The following SMARCAL1 variants were observed in gnomAD, a reference collection of about 807,000 sequenced individuals.
SMARCAL1 encodes ATP-driven annealing helicase.
In SMARCAL1, 58 loss-of-function variants were observed where a neutral mutation model predicts 94.5. The ratio of observed to expected loss-of-function variants is 0.61; its 90% CI spans 0.50 to 0.76. The LOEUF (loss-of-function observed/expected upper bound fraction) is 0.76, where lower values mean the gene tolerates loss of function less well. Among genes scored for constraint, SMARCAL1 ranks in the 30% least tolerant of loss-of-function variants. The probability of loss-of-function intolerance (pLI) is 0.00; values close to 1 mark genes in which losing one functional copy is unlikely to be tolerated. For missense variants in SMARCAL1, 1,051 were observed against 1,177.9 expected, an observed-to-expected ratio of 0.89 and a Z score of 1.58; for synonymous variants, 422 against 455.1, an observed-to-expected ratio of 0.93 and a Z score of 0.93.
chr2:216,412,607 A>G lies in SMARCAL1; in HGVS notation c.-137A>G, dbSNP rs115172989. ...AGGCTCTGCAGTCGCGCCTGGGGTC[A>G]GGGCCGGGGGCGAATGTGGCTCGCG... On this transcript the variant is annotated 5_prime_UTR_variant, in exon 1 of 18. Transcript: ENST00000357276. 3,015 of 152,610 alleles carry G rather than the reference A, an allele frequency of 0.02. 96 individuals are homozygous for G. The highest frequency in any genetic ancestry group is 0.068 in the African/African-American group (2,843 of 41,578). The allele number at this position is 152,610 out of a possible 1,614,324, so 9.5% of individuals were successfully genotyped here.
rs554642972 is a variant in SMARCAL1 at position 216,416,227 on chromosome 2, A to G, written c.812-30A>G. On this transcript the variant is annotated intron_variant, in intron 3 of 17. Coordinates refer to ENST00000357276, the MANE Select transcript of SMARCAL1 (RefSeq NM_014140.4). ...GTTGAGTGCCTAAGTACAAATTGTC[A>G]ACAGTCATCAGTCCTCTGTTTTGTT... 27 of 1,606,916 alleles carry G rather than the reference A, an allele frequency of 1.7e-5. No individual in the cohort carries two copies. The South Asian group carries it at 2.4e-4, about 14-fold the overall frequency.
At chr2:216,464,699 C>A in intron 13 of SMARCAL1, 32 bp downstream of exon 13, 2 of 1,366,274 alleles carry the variant, frequency 1.5e-6, no homozygotes, top group South Asian at 1.2e-5. Context: ...ACCTCTCTCT[C>A]TCTCATCTTC....
At position 216,447,025 on chromosome 2, in the gene SMARCAL1, A is replaced by G. The variant is rs1258287069; in HGVS notation, c.1718A>G (p.Lys573Arg). 1 of 1,613,984 alleles carries G rather than the reference A, an allele frequency of 6.2e-7. No homozygotes were observed. Among genetic ancestry groups the G allele is most frequent in the Non-Finnish European group, 8.5e-7 (1 of 1,180,014 alleles). The change falls in exon 11 of 18, where the codon AAG becomes AGG. Residue 573 changes from lysine (K) to arginine (R), a missense_variant. By Grantham distance (26) the Lys-to-Arg change is conservative (BLOSUM62 2). Transcript: ENST00000357276. ...TGGCTGTTTGTCTTTTAGGTTGCCA[A>G]GAGGGTGATCCTGTTGTCGGGCACA... ...RAAMPVLKVA[K>R]RVILLSGTPA...
Position 216,414,672 on chromosome 2 carries a change from T to C in SMARCAL1, c.-33T>C. 1 of 1,594,762 alleles carries C rather than the reference T, an allele frequency of 6.3e-7. No individual in the cohort carries two copies. The highest frequency in any genetic ancestry group is 8.6e-7 in the Non-Finnish European group (1 of 1,162,500). ...CTTTTGCCAACTTTCCAATTAAAGGTTGACATTCCTGCATAAGCATTTCTC... is the reference window on the plus strand; with the variant it reads ...CTTTTGCCAACTTTCCAATTAAAGGCTGACATTCCTGCATAAGCATTTCTC... On this transcript the variant is annotated 5_prime_UTR_variant, in exon 3 of 18. Transcript: ENST00000357276.
intron 4 of SMARCAL1, among the ~76,000 whole-genome samples, chr2:216,418,843 G>A (rs1178126466): frequency 6.6e-6 from 1 of 152,186 alleles, no homozygotes; most frequent in African/African-American, 2.4e-5. Flanking sequence ...TCTAAGTGAT[G>A]AAAATGTGTC....
rs532441224 is a variant in SMARCAL1 at position 216,428,672 on chromosome 2, G to A, written c.1224G>A (p.Gln408=). Residue 408 remains glutamine (Q), a synonymous_variant, in exon 7 of 18, where the codon CAG becomes CAA. Transcript: ENST00000357276. The part of the protein sequence containing the change: ...PTTLTLAFAS[Q]LKKTSLSLTP... ...CTCTCACCCTGGCGTTTGCTTCTCA[G>A]CTCAAGAAGACATCTCTCAGTCTCA... The A allele has an allele frequency of 6.2e-7, 1 of 1,614,196 alleles. No individual in the cohort carries two copies. Among genetic ancestry groups the A allele is most frequent in the Admixed American group, 1.7e-5 (1 of 60,014 alleles).
chr2:216,475,179 TG>T lies in SMARCAL1; in HGVS notation c.2245-88del. ...CAGGGGCCTCTGCTGAGCTGGAACC[TG>T]GTTCTGTGCTGGAGCTGTGGCTGGG... is the stretch of plus-strand genomic sequence containing the variant. On this transcript the variant is annotated intron_variant, in intron 14 of 17. Coordinates refer to ENST00000357276, the MANE Select transcript of SMARCAL1 (RefSeq NM_014140.4). The surrounding 1 kb of genome is among the most constrained non-coding windows in gnomAD (Gnocchi z 4.4). The T allele has an allele frequency of 7.4e-7, 1 of 1,358,948 alleles. No individual in the cohort carries two copies. 84.2% of individuals were successfully genotyped at this position (1,358,948 alleles called of 1,614,324 possible).
At chr2:216,461,623 A>G (rs1694706844) in intron 12 of SMARCAL1, among the ~76,000 whole-genome samples, 1 of 152,054 alleles carries the variant, frequency 6.6e-6, no homozygotes, top group Non-Finnish European at 1.5e-5. Context: ...AGCCCAGGAG[A>G]TTGATACCAG....
At position 216,432,724 on chromosome 2, in the gene SMARCAL1, CA is replaced by C. The variant is rs1693992978; in HGVS notation, c.1342del (p.Ile448Ter). The C allele has an allele frequency of 6.2e-7, 1 of 1,613,986 alleles. No individual in the cohort carries two copies. Among genetic ancestry groups the C allele is most frequent in the Non-Finnish European group, 8.5e-7 (1 of 1,180,028 alleles). On this transcript the variant is annotated frameshift_variant, in exon 8 of 18. Transcript: ENST00000357276. LOFTEE classifies it high-confidence loss of function. ...TCACCTTGTCTGCCTTCAGTTTTGC[CA>C]TAGCCAAAGGAGGCCGCCTGCTGCT... ...PFQRAGVNFA[I>X]AKGGRLLLAD...
intron 6 of SMARCAL1, 117 bp from the exon 7 acceptor site, chr2:216,428,479 T>C: frequency 2.1e-6 from 2 of 960,104 alleles, no homozygotes; most frequent in East Asian, 2.5e-5. Flanking sequence ...CCACCCATTA[T>C]ATAGGGACCT....
intron 14 of SMARCAL1, among the ~76,000 whole-genome samples, chr2:216,473,306 G>T (rs1215597600): frequency 6.7e-6 from 1 of 148,992 alleles, no homozygotes; most frequent in Admixed American, 6.7e-5. Context: ...TTTTTTTTTT[G>T]AGATTTATCC....
At chr2:216,432,107 TG>T (rs199944995) in intron 7 of SMARCAL1, among the ~76,000 whole-genome samples, 4,452 of 151,358 alleles carry the variant, frequency 0.029, 111 homozygotes, top group Non-Finnish European at 0.046. Context: ...TTGCAACCTC[TG>T]CCTCCCGGGT....
chr2:216,451,589 C>G (rs1694450477), intron 12 of SMARCAL1: 1 of 171,558 alleles, frequency 5.8e-6, no homozygotes, highest in African/African-American at 2.4e-5. Flanking sequence ...TTGGCATCCC[C>G]CTTTTTACAG....
chr2:216,425,464 G>C (rs190814581), intron 6 of SMARCAL1, among the ~76,000 whole-genome samples: 13 of 152,310 alleles, frequency 8.5e-5, no homozygotes, highest in African/African-American at 3.1e-4. Flanking sequence ...CTGGCCGAGG[G>C]AGTCCCAAGG....
At chr2:216,440,409 G>A (rs1394904980) in intron 10 of SMARCAL1, among the ~76,000 whole-genome samples, 1 of 152,200 alleles carries the variant, frequency 6.6e-6, no homozygotes, top group East Asian at 1.9e-4. Flanking sequence ...GTGCCTCTCA[G>A]CCAGACCTTT....
At position 216,435,385 on chromosome 2, in the gene SMARCAL1, C is replaced by T. The variant is rs142314193; in HGVS notation, c.1533C>T (p.Val511=). 3.3e-5 allele frequency: 54 copies of T among 1,614,144 alleles called. No individual in the cohort carries two copies. The highest frequency in any genetic ancestry group is 2.7e-4 in the African/African-American group (20 of 75,036). Residue 511 remains valine (V), a synonymous_variant, in exon 9 of 18, where the codon GTC becomes GTT. Coordinates refer to ENST00000357276, the MANE Select transcript of SMARCAL1 (RefSeq NM_014140.4). ...LPSLSPDCIN[V]VVTGKDRLTA... ...CTCTGAGCCCAGATTGCATCAACGT[C>T]GTGGTGACTGGGAAGGACCGCCTGA...
intron 12 of SMARCAL1, among the ~76,000 whole-genome samples, chr2:216,454,796 C>G (rs1559132868): frequency 6.6e-6 from 1 of 152,226 alleles, no homozygotes; most frequent in Admixed American, 6.5e-5. Flanking sequence ...TGGGTGATTT[C>G]TGCACTTCCA....
rs772439671 is a variant in SMARCAL1 at position 216,447,115 on chromosome 2, C to T, written c.1808C>T (p.Pro603Leu). The change falls in exon 11 of 18, where the codon CCC becomes CTC. Residue 603 changes from proline to leucine, a missense_variant. Physicochemically the swap from Pro to Leu is moderately conservative, Grantham distance 98. This residue lies in a region of SMARCAL1 where 642 missense variants were observed against 754.7 expected (regional missense o/e 0.85). Transcript: ENST00000357276. Reference sequence around the variant, plus strand: ...ATCGCAGTCAAGCCAACTTTCTTCCCCCAGTTTCATGCCTTTGGACTTCGC... The same window carrying T: ...ATCGCAGTCAAGCCAACTTTCTTCCTCCAGTTTCATGCCTTTGGACTTCGC... ...QIIAVKPTFFPQFHAFGLRYC... is the reference protein window; with the variant it reads ...QIIAVKPTFFLQFHAFGLRYC... 1.2e-6 allele frequency: 2 copies of T among 1,614,060 alleles called. No individual in the cohort carries two copies. The highest frequency in any genetic ancestry group is 1.7e-6 in the Non-Finnish European group (2 of 1,180,014).
rs1490086753 is a variant in SMARCAL1 at position 216,465,347 on chromosome 2, C to T, written c.2141+680C>T. On this transcript the variant is annotated intron_variant, in intron 13 of 17. Coordinates refer to ENST00000357276, the MANE Select transcript of SMARCAL1 (RefSeq NM_014140.4). Reference sequence around the variant, plus strand: ...CCCAGCACCAAAGGGGAGAGTTTTTCTAGGAGGACTGTGATCATTTGCCTT... The same window carrying T: ...CCCAGCACCAAAGGGGAGAGTTTTTTTAGGAGGACTGTGATCATTTGCCTT... Among the ~76,000 whole-genome samples, 15 of 151,990 alleles carry T rather than the reference C, an allele frequency of 9.9e-5. No individual in the cohort carries two copies. In the East Asian group the frequency reaches 2.9e-3, roughly 29 times the overall value.
Sources: allele counts gnomAD v4.1 joint callset (sites outside exome capture counted in the v4.1 genomes callset), GRCh38; gene constraint gnomAD v4.1.1; regional missense constraint gnomAD v4.1.1; non-coding constraint Gnocchi (gnomAD v3.1); transcripts MANE v1.5; gene names NCBI Gene and HGNC (gene_info 2026-07-23, HGNC 2026-07-21).